The following NUDT13 variants were observed in gnomAD, a reference collection of about 807,000 sequenced individuals.
NUDT13 encodes the protein nudix hydrolase 13.
In NUDT13, 40 loss-of-function variants were observed where a neutral mutation model predicts 41.7. The ratio of observed to expected loss-of-function variants is 0.96; its 90% CI spans 0.75 to 1.25. The LOEUF (loss-of-function observed/expected upper bound fraction) is 1.25. NUDT13 is among the 50% of genes most tolerant of loss of function. The probability of loss-of-function intolerance (pLI) is 0.00; values close to 1 mark genes in which losing one functional copy is unlikely to be tolerated. For synonymous variants in NUDT13, 145 were observed against 155.5 expected (o/e 0.93, Z 0.50); for missense variants, 390 against 416.1 (o/e 0.94, Z 0.55).
chr10:73,125,090 G>A (rs1842737134), intron 5 of NUDT13, 28 bp from the exon 6 acceptor site: 1 of 1,586,666 alleles, frequency 6.3e-7, no homozygotes, highest in African/African-American at 1.4e-5. Flanking sequence ...CTCTCCAAAT[G>A]ACACCAGGCC....
intron 8 of NUDT13, among the ~76,000 whole-genome samples, chr10:73,127,548 C>A (rs930563405): frequency 6.6e-6 from 1 of 150,972 alleles, no homozygotes; most frequent in African/African-American, 2.4e-5. Context: ...TGTCGCCCAG[C>A]CTGGAGTGCA....
At chr10:73,112,203 A>T (rs1842381158) in intron 1 of NUDT13, among the ~76,000 whole-genome samples, 1 of 152,078 alleles carries the variant, frequency 6.6e-6, no homozygotes, top group Admixed American at 6.6e-5. Flanking sequence ...AAAATACAAA[A>T]TTAGCTAGGC....
At chr10:73,122,441 A>G in intron 4 of NUDT13, 132 bp downstream of exon 4, 1 of 876,318 alleles carries the variant, frequency 1.1e-6, no homozygotes, top group Admixed American at 2.6e-5. Context: ...AAAAAAGGAC[A>G]TTAAAAAGTG....
intron 2 of NUDT13, among the ~76,000 whole-genome samples, chr10:73,115,900 A>G (rs1418410989): frequency 6.6e-6 from 1 of 152,228 alleles, no homozygotes; most frequent in South Asian, 2.1e-4. Flanking sequence ...GAAATTAGAA[A>G]TCTGTGAATT....
intron 7 of NUDT13, 142 bp downstream of exon 7, chr10:73,125,651 TTATATATATA>T (rs57047791): frequency 6.0e-4 from 118 of 196,566 alleles, no homozygotes; most frequent in Admixed American, 4.8e-4. Context: ...TTCTGGCATT[TTATATATATA>T]TATATATATA....
chr10:73,120,008 C>T lies in NUDT13; in HGVS notation c.84-10C>T. ...GGTTTTGTAATGGTTTGATTATTTC[C>T]CAAATACAGGTATTTATTTGAACTG... is the stretch of plus-strand genomic sequence containing the variant. On this transcript the variant is annotated splice_polypyrimidine_tract_variant and intron_variant, in intron 2 of 8. Transcript: ENST00000357321. 1 of 1,613,522 alleles carries T rather than the reference C, an allele frequency of 6.2e-7. No homozygotes were observed. Among genetic ancestry groups the T allele is most frequent in the Non-Finnish European group, 8.5e-7 (1 of 1,179,568 alleles).
intron 8 of NUDT13, among the ~76,000 whole-genome samples, chr10:73,129,895 A>G (rs951568353): frequency 1.3e-5 from 2 of 150,754 alleles, no homozygotes; most frequent in Non-Finnish European, 3.0e-5. Context: ...CAGGAGAATC[A>G]TTTGAACCTG....
At chr10:73,125,301 G>A (rs763660589) in intron 6 of NUDT13, 58 bp downstream of exon 6, 4 of 1,603,170 alleles carry the variant, frequency 2.5e-6, no homozygotes, top group Non-Finnish European at 3.4e-6. Flanking sequence ...CTTTGTCCTG[G>A]GGAAGGAAGC....
rs1004545045 is a variant in NUDT13, at chr10:73,110,526, T to G, written c.-51T>G. ...ACATTTGGAGTTTCCTCTTTTGTGCTGATTCCTGAGGACTAGGAAGGTGCC... is the reference window on the plus strand; with the variant it reads ...ACATTTGGAGTTTCCTCTTTTGTGCGGATTCCTGAGGACTAGGAAGGTGCC... On this transcript the variant is annotated 5_prime_UTR_variant, in exon 1 of 9. Coordinates refer to ENST00000357321, the MANE Select transcript of NUDT13 (RefSeq NM_015901.6). 1 of 152,234 alleles carries G rather than the reference T, an allele frequency of 6.6e-6. No individual in the cohort carries two copies. Among genetic ancestry groups the G allele is most frequent in the Non-Finnish European group, 1.5e-5 (1 of 68,056 alleles). The allele number at this position is 152,234 out of a possible 1,614,324, so 9.4% of individuals were successfully genotyped here.
In NUDT13 at chr10:73,130,651, C is replaced by G. The variant is rs190957274; in HGVS notation, c.859-52C>G. 1.9e-3 allele frequency: 2,887 copies of G among 1,483,870 alleles called. 7 individuals carry two copies. Among genetic ancestry groups the G allele is most frequent in the Non-Finnish European group, 2.5e-3 (2,703 of 1,064,570 alleles). The allele number at this position is 1,483,870 out of a possible 1,614,324, so 91.9% of individuals were successfully genotyped here. ...TTTTCTGACCTTTGGCCATAGTATT[C>G]TAAATTTTGTAGCTCCTGACCTTAC... On this transcript the variant is annotated intron_variant, in intron 8 of 8. Coordinates refer to ENST00000357321, the MANE Select transcript of NUDT13 (RefSeq NM_015901.6).
intron 1 of NUDT13, among the ~76,000 whole-genome samples, chr10:73,111,583 C>T (rs1842368970): frequency 6.6e-6 from 1 of 152,182 alleles, no homozygotes; most frequent in South Asian, 2.1e-4. Context: ...CACCTTGCCT[C>T]ATCATTTAGT....
chr10:73,113,909 T>C (rs1437655329), intron 1 of NUDT13, among the ~76,000 whole-genome samples: 1 of 152,208 alleles, frequency 6.6e-6, no homozygotes, highest in Non-Finnish European at 1.5e-5. Context: ...GGGAATAAAA[T>C]ACTGATATAC....
intron 5 of NUDT13, 107 bp from the exon 6 acceptor site, chr10:73,125,011 G>C: frequency 4.5e-6 from 6 of 1,326,712 alleles, no homozygotes; most frequent in Non-Finnish European, 5.1e-6. Flanking sequence ...GAGCTGTAAA[G>C]AGATTGGCAT....
At chr10:73,128,343 G>A (rs1205534672) in intron 8 of NUDT13, among the ~76,000 whole-genome samples, 1 of 152,134 alleles carries the variant, frequency 6.6e-6, no homozygotes, top group Non-Finnish European at 1.5e-5. Flanking sequence ...CCCCACAACA[G>A]TGTACATGGG....
chr10:73,120,954 G>T lies in NUDT13; in HGVS notation c.223+797G>T, dbSNP rs188516346. On this transcript the variant is annotated intron_variant, in intron 3 of 8. Coordinates refer to ENST00000357321, the MANE Select transcript of NUDT13 (RefSeq NM_015901.6). ...CTCCATCTCAAAAAAAAAAAAAAAAGTTCCATCATAACTTCATTTTTACTA... is the reference window on the plus strand; with the variant it reads ...CTCCATCTCAAAAAAAAAAAAAAAATTTCCATCATAACTTCATTTTTACTA... Among the ~76,000 whole-genome samples the T allele has an allele frequency of 4.1e-3, 618 of 149,338 alleles. 6 individuals are homozygous for T. The highest frequency in any genetic ancestry group is 6.9e-3 in the African/African-American group (279 of 40,184).
chr10:73,128,061 C>T (rs766576656), intron 8 of NUDT13, among the ~76,000 whole-genome samples: 9 of 152,136 alleles, frequency 5.9e-5, no homozygotes, highest in Non-Finnish European at 1.2e-4. Flanking sequence ...TGGCTTATTT[C>T]ACTTAGCATG....
intron 3 of NUDT13, among the ~76,000 whole-genome samples, chr10:73,120,781 C>CA (rs890286671): frequency 6.6e-6 from 1 of 151,642 alleles, no homozygotes; most frequent in Admixed American, 6.6e-5. Flanking sequence ...ACTAAAAATA[C>CA]AAAAAAATTA....
At chr10:73,121,291 AC>A (rs1312437552) in intron 3 of NUDT13, among the ~76,000 whole-genome samples, 1 of 152,200 alleles carries the variant, frequency 6.6e-6, no homozygotes, top group East Asian at 1.9e-4. Flanking sequence ...TATATGAGTC[AC>A]TATATACTAA....
intron 7 of NUDT13, chr10:73,126,222 T>C: frequency 4.4e-6 from 1 of 227,148 alleles, no homozygotes; most frequent in Non-Finnish European, 9.2e-6. Context: ...TTCCATGAAT[T>C]TTTACTACAC....
Sources: gnomAD v4.1 joint callset for allele counts (sites outside exome capture counted in the v4.1 genomes callset) on GRCh38, gnomAD v4.1.1 for gene constraint, MANE v1.5 for transcripts, NCBI Gene and HGNC (gene_info 2026-07-23, HGNC 2026-07-21) for gene names.